Variants in GNG7 observed in about 807,000 individuals in gnomAD.
GNG7 encodes the protein guanine nucleotide-binding protein G(I)/G(S)/G(O) subunit gamma-7.
A neutral mutation model predicts 4.0 loss-of-function variants in GNG7; 1 was observed. That is an observed-to-expected ratio of 0.25 (90% CI 0.09 to 1.18). The LOEUF is 1.18. Among genes scored for constraint, GNG7 ranks in the 50% most tolerant of loss-of-function variants. The probability of loss-of-function intolerance (pLI) is 0.50; values close to 1 mark genes in which losing one functional copy is unlikely to be tolerated. For synonymous variants in GNG7, 34 were observed against 36.9 expected (o/e 0.92, Z 0.29); for missense variants, 86 against 91.9 (o/e 0.94, Z 0.26).
intron 1 of GNG7, among the ~76,000 whole-genome samples, chr19:2,654,205 T>C (rs1982902930): frequency 6.6e-6 from 1 of 152,006 alleles, no homozygotes; most frequent in Non-Finnish European, 1.5e-5. Flanking sequence ...CTTCTGCAGA[T>C]TTCAAACCTG....
intron 2 of GNG7, among the ~76,000 whole-genome samples, chr19:2,594,654 C>T (rs921036030): frequency 2.6e-5 from 4 of 152,096 alleles, no homozygotes; most frequent in Non-Finnish European, 5.9e-5. Flanking sequence ...ATGACTTTGC[C>T]TGTAGAACCT....
At chr19:2,643,189 C>T (rs934619048) in intron 2 of GNG7, 13 of 452,882 alleles carry the variant, frequency 2.9e-5, no homozygotes, top group Middle Eastern at 3.3e-4. Context: ...GAGACCTCTC[C>T]GGGCTCTGCA....
intron 1 of GNG7, among the ~76,000 whole-genome samples, chr19:2,697,833 G>A (rs959132695): frequency 1.8e-4 from 27 of 152,000 alleles, no homozygotes; most frequent in Admixed American, 3.9e-4. Flanking sequence ...TTAGCCGGGC[G>A]TGGTGGCACA....
At chr19:2,543,476 C>T (rs1207182372) in intron 3 of GNG7, among the ~76,000 whole-genome samples, 1 of 152,038 alleles carries the variant, frequency 6.6e-6, no homozygotes. Flanking sequence ...CCCTCTGCTT[C>T]GGCCTCCCAA....
chr19:2,679,499 T>C (rs988883289), intron 1 of GNG7, among the ~76,000 whole-genome samples: 1 of 152,160 alleles, frequency 6.6e-6, no homozygotes, highest in African/African-American at 2.4e-5. Flanking sequence ...TCCTATCCTG[T>C]CTGACACACA....
In GNG7 at chr19:2,655,707, C is replaced by T. The variant is rs150517251; in HGVS notation, c.-134-9427G>A. ...CAAAAAAATTAGCCGGGCGTGGTGG[C>T]GGGCGCCTGTAGTCCCAGCTACTCG... On this transcript the variant is annotated intron_variant, in intron 1 of 4. Transcript: ENST00000382159. Among the ~76,000 whole-genome samples the T allele has an allele frequency of 4.3e-3, 646 of 151,108 alleles. 6 individuals are homozygous for T. Among genetic ancestry groups the T allele is most frequent in the Non-Finnish European group, 6.5e-3 (442 of 67,764 alleles).
chr19:2,692,000 G>A (rs1306397299), intron 1 of GNG7, among the ~76,000 whole-genome samples: 1 of 152,220 alleles, frequency 6.6e-6, no homozygotes. Context: ...GGGTGGGGGA[G>A]GCAGTACGCC....
At chr19:2,531,589 G>C (rs1978588200) in intron 3 of GNG7, among the ~76,000 whole-genome samples, 1 of 151,988 alleles carries the variant, frequency 6.6e-6, no homozygotes, top group Non-Finnish European at 1.5e-5. Flanking sequence ...GGCTAACATG[G>C]TGAAACCCCG....
Position 2,512,998 on chromosome 19 carries a change from T to A in GNG7, c.*2024A>T. ...GGCTCTCCCGGGCCAACAGCAGGTT[T>A]GGCGGGTAGGGCTCCCCGAAGCCCC... On this transcript the variant is annotated 3_prime_UTR_variant, in exon 5 of 5. Transcript: ENST00000382159. The surrounding 1 kb of genome is among the most constrained non-coding windows in gnomAD (Gnocchi z 4.7). The A allele has an allele frequency of 1.0e-6, 1 of 985,386 alleles. No individual in the cohort carries two copies. The highest frequency in any genetic ancestry group is 1.2e-6 in the Non-Finnish European group (1 of 829,922). The allele number at this position is 985,386 out of a possible 1,614,324, so 61.0% of individuals were successfully genotyped here.
At chr19:2,519,146 CTTTTTTT>C (rs71178282) in intron 4 of GNG7, among the ~76,000 whole-genome samples, 11 of 84,542 alleles carry the variant, frequency 1.3e-4, no homozygotes, top group African/African-American at 4.2e-4. Context: ...TTTCTTGTTT[CTTTTTTT>C]TTTTTTTTTT....
rs995183353 is a variant in GNG7, at chr19:2,617,616, C to T, written c.-78+28608G>A. ...GCCTTCAATGCTCCTCCCCATCCTG[C>T]AGGGGTTGGCAAGGATGTCCCCTCC... On this transcript the variant is annotated intron_variant, in intron 2 of 4. Transcript: ENST00000382159. This position sits in a 1 kb window ranked among gnomAD's most constrained non-coding sequence, Gnocchi z 4.7. Among the ~76,000 whole-genome samples, 2 of 152,184 alleles carry T rather than the reference C, an allele frequency of 1.3e-5. No homozygotes were observed. Among genetic ancestry groups the T allele is most frequent in the Admixed American group, 6.5e-5 (1 of 15,272 alleles).
chr19:2,659,211 C>A (rs930239049), intron 1 of GNG7, among the ~76,000 whole-genome samples: 4 of 151,790 alleles, frequency 2.6e-5, no homozygotes, highest in Non-Finnish European at 4.4e-5. Flanking sequence ...CCTCGTGATC[C>A]GCCCACCTTG....
chr19:2,681,966 G>A (rs1228268141), intron 1 of GNG7, among the ~76,000 whole-genome samples: 8 of 152,154 alleles, frequency 5.3e-5, no homozygotes, highest in African/African-American at 1.7e-4. Context: ...CTGGAGTGCA[G>A]TGGCGCAATC....
At chr19:2,525,701 G>A (rs570758017) in intron 3 of GNG7, among the ~76,000 whole-genome samples, 6 of 152,240 alleles carry the variant, frequency 3.9e-5, no homozygotes, top group South Asian at 2.1e-4. Context: ...CCCTTGCTCC[G>A]GCAGTTATCC....
intron 2 of GNG7, among the ~76,000 whole-genome samples, chr19:2,641,035 C>A (rs1177198080): frequency 6.6e-6 from 1 of 152,238 alleles, no homozygotes; most frequent in Non-Finnish European, 1.5e-5. Context: ...GAAGGGGAGG[C>A]ACTCCAGAAA....
chr19:2,651,519 CCTTCTTT>C (rs1982829276), intron 1 of GNG7, among the ~76,000 whole-genome samples: 1 of 138,030 alleles, frequency 7.2e-6, no homozygotes, highest in Non-Finnish European at 1.5e-5. Context: ...CTCTCTCTTT[CCTTCTTT>C]CTTCTTTCTC....
intron 1 of GNG7, among the ~76,000 whole-genome samples, chr19:2,682,844 G>A (rs1219905693): frequency 6.6e-6 from 1 of 151,914 alleles, no homozygotes. Context: ...GGGGTGAGGG[G>A]CAATCGGAAA....
intron 3 of GNG7, among the ~76,000 whole-genome samples, chr19:2,542,881 CTT>C (rs60152060): frequency 1.4e-4 from 16 of 118,314 alleles, no homozygotes; most frequent in Admixed American, 1.8e-4. Context: ...TGCTGTTTTC[CTT>C]TTTTTTTTTT....
chr19:2,598,144 C>T (rs986862628), intron 2 of GNG7, among the ~76,000 whole-genome samples: 5 of 152,020 alleles, frequency 3.3e-5, no homozygotes, highest in Non-Finnish European at 7.4e-5. Flanking sequence ...GCTCTCACGG[C>T]GACTCTACGC....
Sources: allele counts gnomAD v4.1 joint callset (sites outside exome capture counted in the v4.1 genomes callset), GRCh38; gene constraint gnomAD v4.1.1; non-coding constraint Gnocchi (gnomAD v3.1); transcripts MANE v1.5; gene names NCBI Gene and HGNC (gene_info 2026-07-23, HGNC 2026-07-21).